Variants in ELMO1 observed in about 807,000 individuals in gnomAD.
ELMO1 encodes the protein engulfment and cell motility protein 1.
ELMO1 carries 26 observed loss-of-function variants against 98.9 expected under a neutral mutation model. The ratio of observed to expected loss-of-function variants is 0.26; its 90% CI spans 0.19 to 0.36. ELMO1 has a LOEUF of 0.36. Ranked by LOEUF, ELMO1 falls within the 10% of genes least tolerant of loss-of-function variation. ELMO1 has a pLI of 1.00. For missense variants in ELMO1, 627 were observed against 935.2 expected (o/e 0.67, Z 4.30); for synonymous variants, 346 against 346.0 (o/e 1.00, Z 0.00).
At chr7:37,121,168 A>C (rs184262273) in intron 14 of ELMO1, among the ~76,000 whole-genome samples, 23 of 152,054 alleles carry the variant, frequency 1.5e-4, no homozygotes, top group Middle Eastern at 6.8e-3. Context: ...AACCACAAAG[A>C]TGGGGAAAAA....
At chr7:37,124,036 C>A (rs539798396) in intron 14 of ELMO1, among the ~76,000 whole-genome samples, 44 of 152,314 alleles carry the variant, frequency 2.9e-4, no homozygotes, top group African/African-American at 1.0e-3. Flanking sequence ...ACGACAAAAA[C>A]CACATGATTA....
chr7:37,218,036 A>G (rs1793394782), intron 10 of ELMO1, among the ~76,000 whole-genome samples: 1 of 152,244 alleles, frequency 6.6e-6, no homozygotes, highest in Non-Finnish European at 1.5e-5. Context: ...CTTCCCTTCC[A>G]CGAGGCATAG....
intron 21 of ELMO1, among the ~76,000 whole-genome samples, chr7:36,859,101 C>G (rs953929749): frequency 6.6e-6 from 1 of 151,772 alleles, no homozygotes; most frequent in Non-Finnish European, 1.5e-5. Context: ...TTGTGAGAGA[C>G]AGAGAGAGAG....
chr7:37,441,464 C>T (rs994150302), intron 1 of ELMO1, among the ~76,000 whole-genome samples: 2 of 152,164 alleles, frequency 1.3e-5, no homozygotes, highest in African/African-American at 4.8e-5. Context: ...GTCCTGGTCG[C>T]ACTAATGGAA....
At chr7:37,211,189 T>G (rs1584814462) in intron 13 of ELMO1, 197 bp downstream of exon 13, 1 of 685,618 alleles carries the variant, frequency 1.5e-6, no homozygotes, top group Non-Finnish European at 2.4e-6. Context: ...GTCACACTTG[T>G]GCAAGTTATT....
intron 5 of ELMO1, among the ~76,000 whole-genome samples, chr7:37,264,185 G>A (rs1796129233): frequency 6.6e-6 from 1 of 152,138 alleles, no homozygotes; most frequent in East Asian, 1.9e-4. Flanking sequence ...GTGTGTATCT[G>A]CCAGAATGTA....
intron 2 of ELMO1, among the ~76,000 whole-genome samples, chr7:37,340,822 G>A (rs1296926661): frequency 6.6e-6 from 1 of 152,204 alleles, no homozygotes; most frequent in Non-Finnish European, 1.5e-5. Context: ...AGGTAAGGAG[G>A]AGGACTGTCT....
At chr7:37,414,588 C>A (rs1232433467) in intron 1 of ELMO1, among the ~76,000 whole-genome samples, 1 of 152,230 alleles carries the variant, frequency 6.6e-6, no homozygotes, top group Admixed American at 6.5e-5. Context: ...CTGTGGCCAA[C>A]TCCAAAGTCC....
intron 1 of ELMO1, among the ~76,000 whole-genome samples, chr7:37,394,348 T>A (rs1002593346): frequency 6.6e-6 from 1 of 152,022 alleles, no homozygotes; most frequent in South Asian, 2.1e-4. Context: ...GTGAGCTAAG[T>A]TGAGTGACAG....
intron 1 of ELMO1, among the ~76,000 whole-genome samples, chr7:37,447,603 A>T (rs937910493): frequency 2.0e-5 from 3 of 151,054 alleles, no homozygotes; most frequent in Non-Finnish European, 4.4e-5. Context: ...GTGCGGTCAC[A>T]CACACACACA....
chr7:37,414,189 T>C lies in ELMO1; in HGVS notation c.-74+34486A>G, dbSNP rs76159570. ...TCCATTCATTTTCCACTAAGAAAAT[T>C]AGAAAACATTATTTGATATTAGCAG... On this transcript the variant is annotated intron_variant, in intron 1 of 21. Coordinates refer to ENST00000310758, the MANE Select transcript of ELMO1 (RefSeq NM_014800.11). Among the ~76,000 whole-genome samples, 163 of 152,316 alleles carry C rather than the reference T, an allele frequency of 1.1e-3. 8 individuals are homozygous for C. The East Asian group carries it at 0.029, about 27-fold the overall frequency.
chr7:37,443,391 A>G (rs890656458), intron 1 of ELMO1, among the ~76,000 whole-genome samples: 3 of 152,230 alleles, frequency 2.0e-5, no homozygotes, highest in African/African-American at 7.2e-5. Context: ...GGGGGCCCGG[A>G]ACACTGAGAA....
intron 16 of ELMO1, among the ~76,000 whole-genome samples, chr7:36,936,878 C>A (rs756997156): frequency 6.6e-6 from 1 of 152,208 alleles, no homozygotes; most frequent in Non-Finnish European, 1.5e-5. Flanking sequence ...GTGCTTAACA[C>A]AGGATTAAGT....
intron 13 of ELMO1, among the ~76,000 whole-genome samples, chr7:37,165,138 G>A (rs998735262): frequency 4.7e-5 from 7 of 150,120 alleles, no homozygotes; most frequent in Admixed American, 6.6e-5. Context: ...CTCTCTGTTC[G>A]TCTGTTATTG....
intron 13 of ELMO1, among the ~76,000 whole-genome samples, chr7:37,195,668 C>T (rs188950016): frequency 6.6e-6 from 1 of 152,188 alleles, no homozygotes; most frequent in Non-Finnish European, 1.5e-5. Flanking sequence ...CTTTCCTCTC[C>T]GAAAAAGCTG....
intron 16 of ELMO1, among the ~76,000 whole-genome samples, chr7:36,950,879 GGA>G (rs942640070): frequency 2.5e-4 from 38 of 152,126 alleles, no homozygotes; most frequent in Admixed American, 2.4e-3. Flanking sequence ...GTGTCTGAGA[GGA>G]AGGCCGAGAG....
intron 10 of ELMO1, among the ~76,000 whole-genome samples, chr7:37,219,101 A>G (rs1043048513): frequency 1.2e-4 from 18 of 152,202 alleles, no homozygotes; most frequent in Admixed American, 2.6e-4. Context: ...CGTTTGTGCC[A>G]GGAAACTGAG....
intron 13 of ELMO1, among the ~76,000 whole-genome samples, chr7:37,203,929 A>G (rs1423040131): frequency 6.6e-6 from 1 of 152,184 alleles, no homozygotes; most frequent in East Asian, 1.9e-4. Context: ...CAACGCTCCC[A>G]ACTCCGAAGA....
intron 1 of ELMO1, among the ~76,000 whole-genome samples, chr7:37,349,672 T>C (rs1801170516): frequency 6.6e-6 from 1 of 152,178 alleles, no homozygotes; most frequent in African/African-American, 2.4e-5. Flanking sequence ...CAGGCTGGTC[T>C]CGAACTCCTG....
Sources: gnomAD v4.1 joint callset for allele counts (sites outside exome capture counted in the v4.1 genomes callset) on GRCh38, gnomAD v4.1.1 for gene constraint, MANE v1.5 for transcripts, NCBI Gene and HGNC (gene_info 2026-07-23, HGNC 2026-07-21) for gene names.